SRBD1: variants seen among roughly 807,000 people sequenced by gnomAD.
SRBD1 encodes the protein S1 RNA binding domain 1, also known as S1 RNA-binding domain-containing protein 1.
Under a neutral mutation model 115.3 loss-of-function variants are expected in SRBD1, and 88 were observed. The ratio of observed to expected loss-of-function variants is 0.76; its 90% CI spans 0.64 to 0.91. The LOEUF is 0.91. SRBD1 is among the 40% of genes least tolerant of loss of function. The pLI is 0.00. For missense variants in SRBD1, 1,385 were observed against 1,177.4 expected, an observed-to-expected ratio of 1.18 and a Z score of -2.58; for synonymous variants, 509 against 407.7, an observed-to-expected ratio of 1.25 and a Z score of -2.99.
intron 20 of SRBD1, among the ~76,000 whole-genome samples, chr2:45,390,657 T>C (rs897704774): frequency 6.6e-6 from 1 of 152,148 alleles, no homozygotes; most frequent in Non-Finnish European, 1.5e-5. Flanking sequence ...ACCCATTCCA[T>C]TTCCTTTTCC....
chr2:45,552,768 T>TG (rs1265769253), intron 11 of SRBD1, among the ~76,000 whole-genome samples: 1 of 152,152 alleles, frequency 6.6e-6, no homozygotes, highest in Non-Finnish European at 1.5e-5. Context: ...TAAATGACTT[T>TG]GGTAAAAAGA....
intron 16 of SRBD1, among the ~76,000 whole-genome samples, chr2:45,428,582 A>T (rs1668233177): frequency 6.6e-6 from 1 of 151,170 alleles, no homozygotes; most frequent in Non-Finnish European, 1.5e-5. Context: ...AAATAAATAA[A>T]TACATAAATA....
At chr2:45,511,385 A>G (rs1300746672) in intron 14 of SRBD1, among the ~76,000 whole-genome samples, 1 of 152,198 alleles carries the variant, frequency 6.6e-6, no homozygotes, top group East Asian at 1.9e-4. Flanking sequence ...ATGAATTTTT[A>G]TAGTACATTT....
intron 14 of SRBD1, among the ~76,000 whole-genome samples, chr2:45,494,153 CAT>C (rs1235838716): frequency 6.6e-6 from 1 of 151,928 alleles, no homozygotes; most frequent in Non-Finnish European, 1.5e-5. Flanking sequence ...ATTTTTATCT[CAT>C]GTAAAATATT....
chr2:45,425,656 C>A (rs1476823059), intron 16 of SRBD1, among the ~76,000 whole-genome samples: 1 of 151,910 alleles, frequency 6.6e-6, no homozygotes, highest in Non-Finnish European at 1.5e-5. Flanking sequence ...TGGGTACAGC[C>A]CACGGAGGGC....
chr2:45,601,800 T>C (rs1674100006), intron 3 of SRBD1, 103 bp downstream of exon 3: 9 of 1,466,728 alleles, frequency 6.1e-6, no homozygotes, highest in Non-Finnish European at 8.2e-6. Flanking sequence ...TTGCTGGCAG[T>C]TTTTGTCATT....
chr2:45,433,485 G>A (rs1260129288), intron 16 of SRBD1, among the ~76,000 whole-genome samples: 2 of 152,098 alleles, frequency 1.3e-5, no homozygotes, highest in Non-Finnish European at 2.9e-5. Context: ...TTCAAATGAA[G>A]CAAGTTTACT....
At chr2:45,562,976 C>G (rs919807961) in intron 9 of SRBD1, among the ~76,000 whole-genome samples, 2 of 152,172 alleles carry the variant, frequency 1.3e-5, no homozygotes, top group African/African-American at 4.8e-5. Flanking sequence ...CAAAGCCTAT[C>G]TAACACATTT....
intron 4 of SRBD1, among the ~76,000 whole-genome samples, chr2:45,588,216 C>A (rs529228028): frequency 7.0e-4 from 107 of 152,306 alleles, no homozygotes; most frequent in African/African-American, 2.4e-3. Flanking sequence ...TCACTGATTT[C>A]CCGTTGCATT....
rs1217384293 is a variant in SRBD1, at chr2:45,595,463, AT to A, written c.648+3985del. On this transcript the variant is annotated intron_variant, in intron 4 of 20. Transcript: ENST00000263736. ...TTTCCCCCAAAGAATTTGGACATACATTTTGTGGCAGATAATATGCATGTTA... is the reference window on the plus strand; with the variant it reads ...TTTCCCCCAAAGAATTTGGACATACATTTGTGGCAGATAATATGCATGTTA... Among the ~76,000 whole-genome samples, 6 of 152,282 alleles carry A rather than the reference AT, an allele frequency of 3.9e-5. No homozygotes were observed. The East Asian group carries it at 1.2e-3, about 29-fold the overall frequency.
chr2:45,392,754 G>C (rs1667038247), intron 20 of SRBD1, among the ~76,000 whole-genome samples, 191 bp downstream of exon 20: 1 of 152,188 alleles, frequency 6.6e-6, no homozygotes, highest in Admixed American at 6.5e-5. Flanking sequence ...GAGACCACCT[G>C]GCTTCTAGCT....
intron 16 of SRBD1, among the ~76,000 whole-genome samples, chr2:45,476,606 C>T (rs1394125715): frequency 6.6e-6 from 1 of 152,172 alleles, no homozygotes; most frequent in African/African-American, 2.4e-5. Flanking sequence ...TCTAATCACA[C>T]ATAAGATCTA....
intron 16 of SRBD1, among the ~76,000 whole-genome samples, chr2:45,474,126 T>G (rs2103811468): frequency 6.6e-6 from 1 of 152,382 alleles, no homozygotes; most frequent in Non-Finnish European, 1.5e-5. Context: ...GAATTCATTT[T>G]AATACATATT....
chr2:45,469,578 TTGG>T (rs1315336695), intron 16 of SRBD1, among the ~76,000 whole-genome samples: 1 of 152,216 alleles, frequency 6.6e-6, no homozygotes, highest in African/African-American at 2.4e-5. Flanking sequence ...TATTACATTG[TTGG>T]TGATTTCCAG....
At chr2:45,588,048 T>A (rs182310455) in intron 4 of SRBD1, among the ~76,000 whole-genome samples, 153 of 152,350 alleles carry the variant, frequency 1.0e-3, no homozygotes, top group Non-Finnish European at 1.8e-3. Context: ...TCTGTCACTG[T>A]TCTTCATTTC....
intron 5 of SRBD1, among the ~76,000 whole-genome samples, chr2:45,585,048 G>T (rs1673475270): frequency 6.6e-6 from 1 of 152,054 alleles, no homozygotes; most frequent in Non-Finnish European, 1.5e-5. Context: ...TACTCGGGAG[G>T]CTGAGGCAGG....
At chr2:45,581,178 C>T (rs1017484934) in intron 6 of SRBD1, among the ~76,000 whole-genome samples, 3 of 152,126 alleles carry the variant, frequency 2.0e-5, no homozygotes, top group Non-Finnish European at 4.4e-5. Flanking sequence ...CCATCTAAAA[C>T]TCTCTTCCCT....
chr2:45,514,684 T>A (rs2103936485), intron 14 of SRBD1, among the ~76,000 whole-genome samples: 1 of 152,276 alleles, frequency 6.6e-6, no homozygotes, highest in East Asian at 1.9e-4. Flanking sequence ...ACTGAAACTG[T>A]CTGAGTTCTT....
At chr2:45,474,947 A>G (rs1669762632) in intron 16 of SRBD1, among the ~76,000 whole-genome samples, 2 of 152,218 alleles carry the variant, frequency 1.3e-5, no homozygotes, top group African/African-American at 4.8e-5. Context: ...TAATTAAAGA[A>G]TATCATTAAT....
Sources: gnomAD v4.1 joint callset for allele counts (sites outside exome capture counted in the v4.1 genomes callset) on GRCh38, gnomAD v4.1.1 for gene constraint, MANE v1.5 for transcripts, NCBI Gene and HGNC (gene_info 2026-07-23, HGNC 2026-07-21) for gene names.